Variants in AZI2 observed in about 807,000 individuals in gnomAD.
The protein encoded by AZI2 is 5-azacytidine-induced protein 2.
A neutral mutation model predicts 45.8 loss-of-function variants in AZI2; 22 were observed. That is an observed-to-expected ratio of 0.48 (90% CI 0.34 to 0.69). AZI2 has a LOEUF of 0.69. Among genes scored for constraint, AZI2 ranks in the 30% least tolerant of loss-of-function variants. The probability of loss-of-function intolerance (pLI) is 0.01; values close to 1 mark genes in which losing one functional copy is unlikely to be tolerated. For synonymous variants in AZI2, 137 were observed against 156.7 expected, an observed-to-expected ratio of 0.87 and a Z score of 0.94; for missense variants, 417 against 441.5, an observed-to-expected ratio of 0.94 and a Z score of 0.50.
At chr3:28,330,648 C>T (rs13095609) in intron 6 of AZI2, among the ~76,000 whole-genome samples, 31,023 of 151,104 alleles carry the variant, frequency 0.21, 3,578 homozygotes, top group Admixed American at 0.28. Flanking sequence ...CAACAGTAGG[C>T]CACAAATTTG....
rs560145045 is a variant in AZI2 at position 28,337,608 on chromosome 3, A to G, written c.439+329T>C. ...AACTGTGGGCAAGATGTTCAGTAAG[A>G]AAGAGAAGCCAGGACAACCAGTGGG... is the stretch of plus-strand genomic sequence containing the variant. On this transcript the variant is annotated intron_variant, in intron 4 of 7. Coordinates refer to ENST00000479665, the MANE Select transcript of AZI2 (RefSeq NM_022461.5). Among the ~76,000 whole-genome samples, 10 of 152,288 alleles carry G rather than the reference A, an allele frequency of 6.6e-5. 1 individual carries two copies. The South Asian group carries it at 1.7e-3, about 25-fold the overall frequency.
intron 6 of AZI2, among the ~76,000 whole-genome samples, chr3:28,330,110 C>T (rs1703519906): frequency 1.3e-5 from 2 of 151,248 alleles, no homozygotes; most frequent in South Asian, 4.2e-4. Flanking sequence ...ACAGCGACTC[C>T]CTGTCTAGAT....
rs762488876 is a variant in AZI2, at chr3:28,324,394, A to G, written c.827T>C (p.Met276Thr). The stretch of plus-strand genomic sequence containing the variant: ...TCTTGTGTATGTTGCAGTAAAATTC[A>G]TCAAGTGCAGTTTTGTGCTGTCTCT... ...LGRDSTKLHL[M>T]NFTATYTRHP... Residue 276 changes from methionine to threonine, a missense_variant, in exon 8 of 8, where the codon ATG (methionine) becomes ACG (threonine). Met to Thr is a moderately conservative substitution (Grantham distance 81, BLOSUM62 -1). Coordinates refer to ENST00000479665, the MANE Select transcript of AZI2 (RefSeq NM_022461.5). The G allele has an allele frequency of 3.2e-6, 5 of 1,556,388 alleles. No homozygotes were observed. The highest frequency in any genetic ancestry group is 4.3e-6 in the Non-Finnish European group (5 of 1,150,808).
At chr3:28,342,110 T>C (rs1353580065) in intron 1 of AZI2, among the ~76,000 whole-genome samples, 1 of 152,086 alleles carries the variant, frequency 6.6e-6, no homozygotes, top group Admixed American at 6.6e-5. Context: ...ACAAAAGGTT[T>C]TGTGTTTTTC....
chr3:28,328,074 C>G (rs964802823), intron 6 of AZI2, among the ~76,000 whole-genome samples: 1 of 150,026 alleles, frequency 6.7e-6, no homozygotes, highest in African/African-American at 2.4e-5. Context: ...GGTGAAATAC[C>G]TTTTTGTCAA....
intron 6 of AZI2, chr3:28,331,999 A>G: frequency 8.3e-7 from 1 of 1,199,668 alleles, no homozygotes; most frequent in Non-Finnish European, 1.2e-6. Context: ...ATGCTATCCC[A>G]AAGACTAACA....
intron 1 of AZI2, among the ~76,000 whole-genome samples, chr3:28,342,724 C>CAG (rs1704071579): frequency 6.7e-6 from 1 of 148,260 alleles, no homozygotes; most frequent in South Asian, 2.1e-4. Flanking sequence ...CACACACACA[C>CAG]ACACACACAC....
chr3:28,337,285 C>G (rs541421686), intron 4 of AZI2, among the ~76,000 whole-genome samples: 1 of 152,206 alleles, frequency 6.6e-6, no homozygotes, highest in Non-Finnish European at 1.5e-5. Flanking sequence ...ACAATTTATC[C>G]TTAAACATTC....
chr3:28,347,220 A>AC lies in AZI2; in HGVS notation c.-6+1380_-6+1381insG, dbSNP rs1559465978. On this transcript the variant is annotated intron_variant, in intron 1 of 7. Transcript: ENST00000479665. Reference sequence around the variant, plus strand: ...GATTGGTTCTATTACTTCATGGATTATAAAAAAAACTTCAGCATTTTACTT... The same window carrying AC: ...GATTGGTTCTATTACTTCATGGATTACTAAAAAAAACTTCAGCATTTTACTT... Among the ~76,000 whole-genome samples the AC allele has an allele frequency of 3.3e-5, 5 of 152,228 alleles. No homozygotes were observed. The South Asian group carries it at 1.0e-3, about 31-fold the overall frequency.
intron 2 of AZI2, among the ~76,000 whole-genome samples, chr3:28,339,039 G>T (rs547056084): frequency 6.6e-6 from 1 of 151,574 alleles, no homozygotes; most frequent in African/African-American, 2.4e-5. Context: ...GGAGTGCAAT[G>T]GGGCGATCTC....
chr3:28,325,212 A>G lies in AZI2; in HGVS notation c.767-758T>C, dbSNP rs1033492379. On this transcript the variant is annotated intron_variant, in intron 7 of 7. Transcript: ENST00000479665. Reference sequence around the variant, plus strand: ...AAGACTACTTAAAAGCTATTATTTCACCACAGCCAGCACATTGGTAATACA... The same window carrying G: ...AAGACTACTTAAAAGCTATTATTTCGCCACAGCCAGCACATTGGTAATACA... 20 of 150,406 alleles carry G rather than the reference A, an allele frequency of 1.3e-4. 2 individuals carry two copies. 9.3% of individuals were successfully genotyped at this position (150,406 alleles called of 1,614,324 possible). A position where few individuals can be genotyped will look rare whatever the true frequency, so the allele number is the denominator to read the frequency against.
At chr3:28,345,172 A>C (rs1315829827) in intron 1 of AZI2, among the ~76,000 whole-genome samples, 1 of 152,126 alleles carries the variant, frequency 6.6e-6, no homozygotes, top group Non-Finnish European at 1.5e-5. Flanking sequence ...TGCAAAGTGC[A>C]CTCTGAATAA....
intron 1 of AZI2, among the ~76,000 whole-genome samples, chr3:28,342,713 A>G (rs1176473307): frequency 2.0e-3 from 19 of 9,732 alleles, no homozygotes; most frequent in South Asian, 3.0e-3. Flanking sequence ...TTACACATGC[A>G]CACACACACA....
rs777797221 is a variant in AZI2 at position 28,324,142 on chromosome 3, G to A, written c.1079C>T (p.Thr360Ile). 3 of 1,610,460 alleles carry A rather than the reference G, an allele frequency of 1.9e-6. No homozygotes were observed. Among genetic ancestry groups the A allele is most frequent in the African/African-American group, 2.7e-5 (2 of 74,588 alleles). ...TTTAGTTTTAGTTTCCCCAAATGCT[G>A]TCTCACTTGATTTAGGAGGACTTGG... ...VFPSPPKSSETAFGETKTKTL... is the reference protein window; with the variant it reads ...VFPSPPKSSEIAFGETKTKTL... Residue 360 changes from threonine (T) to isoleucine (I), a missense_variant, in exon 8 of 8, where the codon ACA becomes ATA. Transcript: ENST00000479665.
rs1703252653 is a variant in AZI2 at position 28,323,363 on chromosome 3, TTTTTTTTTC to T, written c.*670_*678del. 1 of 150,440 alleles carries T rather than the reference TTTTTTTTTC, an allele frequency of 6.6e-6. No individual in the cohort carries two copies. Among genetic ancestry groups the T allele is most frequent in the African/African-American group, 2.4e-5 (1 of 40,886 alleles). 9.3% of individuals were successfully genotyped at this position (150,440 alleles called of 1,614,324 possible). A position where few individuals can be genotyped will look rare whatever the true frequency, so the allele number is the denominator to read the frequency against. The stretch of plus-strand genomic sequence containing the variant: ...GTTTTTCAACTATTTCATTTTTTTT[TTTTTTTTTC>T]CCAATTAGGACTTAAGGAATGTGCT... On this transcript the variant is annotated 3_prime_UTR_variant, in exon 8 of 8. Transcript: ENST00000479665.
rs184787938 is a variant in AZI2, at chr3:28,331,408, T to A, written c.647+961A>T. On this transcript the variant is annotated intron_variant, in intron 6 of 7. Transcript: ENST00000479665. ...TTCCTTGCAGTAAACTTAGATAAAA[T>A]TCGAAGGCATAATTGAAGTACTGTT... Among the ~76,000 whole-genome samples, 670 of 151,584 alleles carry A rather than the reference T, an allele frequency of 4.4e-3. 6 individuals are homozygous for A. The highest frequency in any genetic ancestry group is 0.015 in the African/African-American group (624 of 41,454).
At chr3:28,332,644 A>C (rs769338109) in intron 5 of AZI2, among the ~76,000 whole-genome samples, 1 of 151,736 alleles carries the variant, frequency 6.6e-6, no homozygotes, top group Non-Finnish European at 1.5e-5. Flanking sequence ...TTAATGCTTT[A>C]ATTTTCTTTA....
chr3:28,332,728 GA>G (rs1703632235), intron 5 of AZI2, among the ~76,000 whole-genome samples: 2 of 151,692 alleles, frequency 1.3e-5, no homozygotes, highest in South Asian at 4.1e-4. Context: ...ACACCAATCT[GA>G]AGTGTATATT....
rs1411075169 is a variant in AZI2, at chr3:28,321,316, G to A, written c.*2726C>T. The A allele has an allele frequency of 1.5e-4, 23 of 151,520 alleles. No individual in the cohort carries two copies. The highest frequency in any genetic ancestry group is 5.1e-4 in the African/African-American group (21 of 41,464). 9.4% of individuals were successfully genotyped at this position (151,520 alleles called of 1,614,324 possible). On this transcript the variant is annotated 3_prime_UTR_variant, in exon 8 of 8. Transcript: ENST00000479665. The stretch of plus-strand genomic sequence containing the variant: ...ATGGAAGAGTTACTTTAAGAAGCTA[G>A]TGAAATATACAATCTATTTTATAGC...
Sources: allele counts gnomAD v4.1 joint callset (sites outside exome capture counted in the v4.1 genomes callset), GRCh38; gene constraint gnomAD v4.1.1; transcripts MANE v1.5; gene names NCBI Gene and HGNC (gene_info 2026-07-23, HGNC 2026-07-21).